Variants in KCNIP1 observed in about 807,000 individuals in gnomAD.
The protein encoded by KCNIP1 is potassium voltage-gated channel interacting protein 1.
A neutral mutation model predicts 33.0 loss-of-function variants in KCNIP1; 18 were observed. The observed-to-expected ratio is 0.55, with a 90% CI of 0.38 to 0.81. The LOEUF is 0.81. KCNIP1 is among the 30% of genes least tolerant of loss of function. KCNIP1 has a pLI of 0.00. For missense variants in KCNIP1, 238 were observed against 271.6 expected (o/e 0.88, Z 0.87); for synonymous variants, 93 against 98.3 (o/e 0.95, Z 0.32).
intron 1 of KCNIP1, chr5:170,679,407 T>C (rs1040664089): frequency 4.6e-5 from 7 of 152,138 alleles, no homozygotes; most frequent in Non-Finnish European, 1.5e-5. Context: ...CGAGTCTCAA[T>C]CCAATATGTA....
At chr5:170,597,784 AATATATATATATAT>A (rs10525595) in intron 1 of KCNIP1, among the ~76,000 whole-genome samples, 16 of 134,480 alleles carry the variant, frequency 1.2e-4, no homozygotes, top group East Asian at 6.2e-4. Flanking sequence ...GAGAGAGATA[AATATATATATATAT>A]ATATATATAT....
At chr5:170,729,173 T>C (rs1173497448) in intron 5 of KCNIP1, among the ~76,000 whole-genome samples, 1 of 152,060 alleles carries the variant, frequency 6.6e-6, no homozygotes, top group East Asian at 1.9e-4. Flanking sequence ...CTAAAAATCA[T>C]ATGTGAATAT....
chr5:170,499,972 C>G (rs77560011), upstream of KCNIP1, among the ~76,000 whole-genome samples: 1,899 of 152,224 alleles, frequency 0.012, 38 homozygotes, highest in African/African-American at 0.042. Context: ...GCGCATCAGT[C>G]TGCTTGGAAT....
intron 1 of KCNIP1, among the ~76,000 whole-genome samples, chr5:170,365,150 T>C (rs572274693): frequency 1.1e-4 from 17 of 152,216 alleles, no homozygotes; most frequent in Admixed American, 9.8e-4. Context: ...TACCACATGG[T>C]AGGCCCTCAT....
intron 1 of KCNIP1, among the ~76,000 whole-genome samples, chr5:170,425,532 G>C (rs1191274448): frequency 6.6e-6 from 1 of 152,246 alleles, no homozygotes; most frequent in Non-Finnish European, 1.5e-5. Context: ...AGGATCCCTT[G>C]GATCCATGCC....
At chr5:170,690,000 T>G (rs1476202114) in intron 1 of KCNIP1, among the ~76,000 whole-genome samples, 5 of 152,190 alleles carry the variant, frequency 3.3e-5, no homozygotes, top group Admixed American at 3.3e-4. Context: ...CAGCCTGCCT[T>G]TATCCTGTAG....
At chr5:170,517,264 AC>A (rs1257508650) in intron 1 of KCNIP1, among the ~76,000 whole-genome samples, 1 of 152,118 alleles carries the variant, frequency 6.6e-6, no homozygotes, top group Non-Finnish European at 1.5e-5. Context: ...CTTTTAAACA[AC>A]CAGATTTCAT....
At chr5:170,380,755 G>A (rs1010135909) in intron 1 of KCNIP1, among the ~76,000 whole-genome samples, 2 of 152,206 alleles carry the variant, frequency 1.3e-5, no homozygotes, top group East Asian at 1.9e-4. Flanking sequence ...GCCTCTGACT[G>A]TGACCTTGGC....
rs138149369 is a variant in KCNIP1, at chr5:170,552,737, T to C, written c.61+48104T>C. Reference sequence around the variant, plus strand: ...AAGTGGATTCTATCCTGAGTGCAACTGGAGGCCACTAGAAGGGCTTACGCA... The same window carrying C: ...AAGTGGATTCTATCCTGAGTGCAACCGGAGGCCACTAGAAGGGCTTACGCA... On this transcript the variant is annotated intron_variant, in intron 1 of 7. Transcript: ENST00000328939. Among the ~76,000 whole-genome samples, 510 of 152,310 alleles carry C rather than the reference T, an allele frequency of 3.3e-3. 5 individuals are homozygous for C. The highest frequency in any genetic ancestry group is 0.012 in the African/African-American group (479 of 41,578).
chr5:170,550,520 C>T (rs1253757118), intron 1 of KCNIP1, among the ~76,000 whole-genome samples: 14 of 114,532 alleles, frequency 1.2e-4, no homozygotes, highest in South Asian at 2.9e-4. Flanking sequence ...ATGATGATGG[C>T]AATGATGATG....
intron 1 of KCNIP1, among the ~76,000 whole-genome samples, chr5:170,710,266 C>A (rs34856584): frequency 0.065 from 9,853 of 152,268 alleles, 359 homozygotes; most frequent in Middle Eastern, 0.12. Context: ...GTCAAACCCA[C>A]TTTTAAATTG....
chr5:170,364,212 C>T lies in KCNIP1; in HGVS notation c.88+10248C>T, dbSNP rs539238560. Among the ~76,000 whole-genome samples the T allele has an allele frequency of 2.6e-5, 4 of 152,142 alleles. No homozygotes were observed. In the South Asian group the frequency reaches 8.3e-4, roughly 32 times the overall value. On this transcript the variant is annotated intron_variant, in intron 1 of 7. Coordinates refer to the KCNIP1 transcript ENST00000377360. ...ATAGAGATGAGGTTTCTCCATGTTG[C>T]CCAACCTGGTCTCAAACTCCTAGGC...
At chr5:170,675,985 T>C (rs1305337534) in intron 1 of KCNIP1, among the ~76,000 whole-genome samples, 2 of 151,532 alleles carry the variant, frequency 1.3e-5, no homozygotes, top group Non-Finnish European at 2.9e-5. Flanking sequence ...TTAATCTATC[T>C]GCAGTGTCCA....
chr5:170,584,634 C>T (rs73801073), intron 1 of KCNIP1, among the ~76,000 whole-genome samples: 13,180 of 152,114 alleles, frequency 0.087, 934 homozygotes, highest in African/African-American at 0.2. Flanking sequence ...GCCCAGCCCC[C>T]GGCAGAGGCA....
chr5:170,727,331 G>A (rs970542913), intron 5 of KCNIP1, among the ~76,000 whole-genome samples: 1 of 152,250 alleles, frequency 6.6e-6, no homozygotes, highest in Non-Finnish European at 1.5e-5. Context: ...GAAGAAGTGT[G>A]AAGGGATGTC....
chr5:170,688,570 A>G (rs1447133090), intron 1 of KCNIP1, among the ~76,000 whole-genome samples: 2 of 152,198 alleles, frequency 1.3e-5, no homozygotes, highest in African/African-American at 4.8e-5. Context: ...GAAGATGAAC[A>G]GAGGGAATCC....
intron 1 of KCNIP1, among the ~76,000 whole-genome samples, chr5:170,599,778 C>A (rs149114665): frequency 6.6e-6 from 1 of 152,174 alleles, no homozygotes; most frequent in Non-Finnish European, 1.5e-5. Context: ...CTCCTCTTCC[C>A]CCTTCCTCCA....
exon 1 of KCNIP1, chr5:170,353,784 T>A: frequency 8.6e-7 from 1 of 1,156,546 alleles, no homozygotes; most frequent in Non-Finnish European, 1.3e-6. Context: ...TCAGGGTTCA[T>A]TCACCCAGGC....
chr5:170,723,512 C>A (rs780297255), intron 5 of KCNIP1, among the ~76,000 whole-genome samples: 1 of 152,138 alleles, frequency 6.6e-6, no homozygotes, highest in Non-Finnish European at 1.5e-5. Flanking sequence ...GTGCCAGGCA[C>A]GGTGCCTGGA....
Sources: allele counts gnomAD v4.1 joint callset (sites outside exome capture counted in the v4.1 genomes callset), GRCh38; gene constraint gnomAD v4.1.1; transcripts MANE v1.5; gene names NCBI Gene and HGNC (gene_info 2026-07-23, HGNC 2026-07-21).